The following UGGT2 variants were observed in gnomAD, a reference collection of about 807,000 sequenced individuals.
UGGT2 encodes the protein UDP-glucose:glycoprotein glucosyltransferase 2.
UGGT2 carries 180 observed loss-of-function variants against 192.1 expected under a neutral mutation model. That is an observed-to-expected ratio of 0.94 (90% CI 0.83 to 1.06). The LOEUF is 1.06. UGGT2 is among the 50% of genes least tolerant of loss of function. The pLI is 0.00. For missense variants in UGGT2, 1,849 were observed against 1,795.7 expected (o/e 1.03, Z -0.54); for synonymous variants, 580 against 591.0 (o/e 0.98, Z 0.27).
At position 95,825,018 on chromosome 13, in the gene UGGT2, G is replaced by A. The variant is rs536770419; in HGVS notation, c.4528+7909C>T. Reference sequence around the variant, plus strand: ...CTTAATTTGGTTATTTGTGCTTTTGGGAGTGAAGACTCTATGAATTCCTTG... The same window carrying A: ...CTTAATTTGGTTATTTGTGCTTTTGAGAGTGAAGACTCTATGAATTCCTTG... On this transcript the variant is annotated intron_variant, in intron 38 of 38. Transcript: ENST00000376747. 2.0e-5 allele frequency among the ~76,000 whole-genome samples: 3 copies of A among 152,126 alleles called. No homozygotes were observed. The South Asian group carries it at 6.2e-4, about 32-fold the overall frequency.
At chr13:95,831,357 C>T (rs1440077385) in intron 38 of UGGT2, among the ~76,000 whole-genome samples, 1 of 151,990 alleles carries the variant, frequency 6.6e-6, no homozygotes, top group Non-Finnish European at 1.5e-5. Context: ...TACATACAGA[C>T]CTATGATTTT....
intron 20 of UGGT2, among the ~76,000 whole-genome samples, chr13:95,909,952 A>G (rs1199136355): frequency 2.0e-5 from 3 of 152,122 alleles, no homozygotes; most frequent in African/African-American, 7.2e-5. Context: ...TTCTTAAAGG[A>G]AAGAATTTTC....
intron 38 of UGGT2, among the ~76,000 whole-genome samples, chr13:95,832,278 T>C (rs1475573786): frequency 6.6e-6 from 1 of 151,938 alleles, no homozygotes; most frequent in East Asian, 1.9e-4. Flanking sequence ...GAGTGAAGAA[T>C]AGGGAGACAC....
intron 5 of UGGT2, among the ~76,000 whole-genome samples, chr13:96,002,788 C>G (rs2051849019): frequency 6.6e-6 from 1 of 152,078 alleles, no homozygotes; most frequent in Non-Finnish European, 1.5e-5. Context: ...AGGGCAAGTC[C>G]CCAAAAGATC....
At chr13:95,986,704 C>T (rs1367163889) in intron 8 of UGGT2, among the ~76,000 whole-genome samples, 1 of 151,964 alleles carries the variant, frequency 6.6e-6, no homozygotes, top group Non-Finnish European at 1.5e-5. Flanking sequence ...AAAAGAAATG[C>T]TCTCGCAAAG....
intron 8 of UGGT2, chr13:95,989,712 C>T: frequency 3.7e-6 from 1 of 269,542 alleles, no homozygotes; most frequent in Non-Finnish European, 7.2e-6. Flanking sequence ...TTGAGACTAA[C>T]CTATAAATCA....
At chr13:95,862,300 C>A (rs1378204972) in intron 31 of UGGT2, among the ~76,000 whole-genome samples, 2 of 152,144 alleles carry the variant, frequency 1.3e-5, no homozygotes, top group Non-Finnish European at 2.9e-5. Context: ...GTTGTTGAAT[C>A]TATTTGGGCT....
In UGGT2 at chr13:96,023,749, A is replaced by G. The variant is rs757312447; in HGVS notation, c.252T>C (p.Tyr84=). 6 of 1,596,044 alleles carry G rather than the reference A, an allele frequency of 3.8e-6. No individual in the cohort carries two copies. Among genetic ancestry groups the G allele is most frequent in the Non-Finnish European group, 5.1e-6 (6 of 1,168,660 alleles). Residue 84 remains tyrosine, a synonymous_variant, in exon 3 of 39, where the codon TAT becomes TAC. Coordinates refer to ENST00000376747, the MANE Select transcript of UGGT2 (RefSeq NM_020121.4). ...LAIYKQTESD[Y]SYYNLILKKA... ...TCTTCAGGATTAAGTTGTAATAAGAATAATCTGATTCTATAAAAAGAAGTC... is the reference window on the plus strand; with the variant it reads ...TCTTCAGGATTAAGTTGTAATAAGAGTAATCTGATTCTATAAAAAGAAGTC...
chr13:95,930,936 C>A (rs772855383), intron 17 of UGGT2, among the ~76,000 whole-genome samples: 12 of 152,114 alleles, frequency 7.9e-5, no homozygotes, highest in Non-Finnish European at 1.6e-4. Flanking sequence ...GACTGAGCAG[C>A]AGAAAGATTT....
intron 38 of UGGT2, among the ~76,000 whole-genome samples, chr13:95,822,162 A>T (rs1486637811): frequency 6.6e-6 from 1 of 151,998 alleles, no homozygotes; most frequent in Non-Finnish European, 1.5e-5. Flanking sequence ...CAGTATGGTC[A>T]TTTTCACAAT....
At chr13:95,815,737 A>T (rs995879193) in intron 38 of UGGT2, among the ~76,000 whole-genome samples, 1 of 152,200 alleles carries the variant, frequency 6.6e-6, no homozygotes, top group Non-Finnish European at 1.5e-5. Flanking sequence ...TTGAATAGGC[A>T]CTTTGCAAAA....
chr13:96,036,512 T>C (rs1021849882), intron 1 of UGGT2, among the ~76,000 whole-genome samples: 1 of 151,956 alleles, frequency 6.6e-6, no homozygotes, highest in African/African-American at 2.4e-5. Context: ...CACATTTACC[T>C]ATGTAACAAA....
intron 20 of UGGT2, among the ~76,000 whole-genome samples, chr13:95,910,064 C>T (rs2048437711): frequency 1.3e-5 from 2 of 152,120 alleles, no homozygotes; most frequent in South Asian, 4.1e-4. Context: ...CACCACGAGG[C>T]CTGCCTTACA....
At chr13:95,902,822 A>G in intron 21 of UGGT2, 32 bp downstream of exon 21, 1 of 1,563,174 alleles carries the variant, frequency 6.4e-7, no homozygotes, top group South Asian at 1.1e-5. Flanking sequence ...TATGCAATAC[A>G]TACATATTTA....
At chr13:95,830,749 A>G (rs1886578643) in intron 38 of UGGT2, among the ~76,000 whole-genome samples, 1 of 152,196 alleles carries the variant, frequency 6.6e-6, no homozygotes, top group Admixed American at 6.5e-5. Context: ...AACTAGAAAT[A>G]CCATTTGACC....
chr13:95,891,262 T>C (rs1486639936), intron 24 of UGGT2, among the ~76,000 whole-genome samples: 1 of 152,128 alleles, frequency 6.6e-6, no homozygotes, highest in Non-Finnish European at 1.5e-5. Flanking sequence ...AACATTCTCA[T>C]GGATTGTACA....
chr13:96,035,393 C>T (rs562454409), intron 1 of UGGT2, among the ~76,000 whole-genome samples: 258 of 152,288 alleles, frequency 1.7e-3, no homozygotes, highest in African/African-American at 6.1e-3. Context: ...CTTCCTTACA[C>T]CTTATACAAA....
chr13:95,887,322 A>G (rs948203391), intron 26 of UGGT2: 4 of 514,666 alleles, frequency 7.8e-6, no homozygotes, highest in African/African-American at 3.9e-5. Context: ...ATTCCCATCA[A>G]TAAGAATGGC....
Position 95,923,873 on chromosome 13 carries a change from T to C in UGGT2, c.2295+1807A>G, listed in dbSNP as rs188166330. ...CATTAAAATAGGTTTTATGGGTGAT[T>C]ACTTTTTCTTCCTTGTTAGTCTTTG... On this transcript the variant is annotated intron_variant, in intron 20 of 38. Transcript: ENST00000376747. Among the ~76,000 whole-genome samples, 203 of 152,350 alleles carry C rather than the reference T, an allele frequency of 1.3e-3. 2 individuals are homozygous for C. Among genetic ancestry groups the C allele is most frequent in the African/African-American group, 4.4e-3 (182 of 41,584 alleles).
Sources: gnomAD v4.1 joint callset for allele counts (sites outside exome capture counted in the v4.1 genomes callset) on GRCh38, gnomAD v4.1.1 for gene constraint, MANE v1.5 for transcripts, NCBI Gene and HGNC (gene_info 2026-07-23, HGNC 2026-07-21) for gene names.